The following KLF12 variants were observed in gnomAD, a reference collection of about 807,000 sequenced individuals.
KLF12 encodes the protein Krueppel-like factor 12.
KLF12 carries 9 observed loss-of-function variants against 37.8 expected under a neutral mutation model. That is an observed-to-expected ratio of 0.24 (90% CI 0.14 to 0.42). The LOEUF is 0.42. KLF12 is among the 10% of genes least tolerant of loss of function. The probability of loss-of-function intolerance (pLI) is 1.00; values close to 1 mark genes in which losing one functional copy is unlikely to be tolerated. For synonymous variants in KLF12, 208 were observed against 202.1 expected, an observed-to-expected ratio of 1.03 and a Z score of -0.25; for missense variants, 411 against 516.0, an observed-to-expected ratio of 0.80 and a Z score of 1.97.
chr13:73,859,666 C>T (rs1191291695), intron 3 of KLF12, among the ~76,000 whole-genome samples: 3 of 152,034 alleles, frequency 2.0e-5, no homozygotes, highest in African/African-American at 7.3e-5. Context: ...TATTTAGTTC[C>T]CGTTTGTTCT....
intron 7 of KLF12, among the ~76,000 whole-genome samples, chr13:73,706,337 T>A (rs895959265): frequency 7.2e-5 from 11 of 152,216 alleles, no homozygotes. Flanking sequence ...GATCAACTTA[T>A]TTTTAATTGA....
chr13:74,159,271 A>G, the KLF12 span, among the ~76,000 whole-genome samples: 12 of 152,138 alleles, frequency 7.9e-5, no homozygotes, highest in Admixed American at 6.5e-4. Context: ...AGAAATAACA[A>G]CTTCACATGA....
At chr13:73,965,538 G>A (rs1413080272) in intron 2 of KLF12, among the ~76,000 whole-genome samples, 1 of 152,134 alleles carries the variant, frequency 6.6e-6, no homozygotes, top group African/African-American at 2.4e-5. Context: ...CCAAGCCAAA[G>A]ATCTTGCGCT....
chr13:73,950,857 T>C (rs768779566), intron 2 of KLF12, among the ~76,000 whole-genome samples: 9 of 152,182 alleles, frequency 5.9e-5, no homozygotes, highest in Admixed American at 3.3e-4. Flanking sequence ...AACAAGATCC[T>C]TTCTGGGAGA....
chr13:73,696,221 A>G (rs1046190322), intron 7 of KLF12, among the ~76,000 whole-genome samples: 6 of 152,170 alleles, frequency 3.9e-5, no homozygotes, highest in African/African-American at 7.2e-5. Context: ...TTGTTCATAG[A>G]TATCTATTTT....
the KLF12 span, among the ~76,000 whole-genome samples, chr13:74,242,998 G>T: frequency 6.6e-6 from 1 of 152,168 alleles, no homozygotes; most frequent in African/African-American, 2.4e-5. Flanking sequence ...GTGCAGGATT[G>T]TTACATAGGT....
chr13:74,079,245 G>A (rs1377153286), intron 1 of KLF12, among the ~76,000 whole-genome samples: 1 of 152,128 alleles, frequency 6.6e-6, no homozygotes, highest in African/African-American at 2.4e-5. Context: ...AGAAGTTACT[G>A]TCCAATGGGT....
chr13:73,777,862 T>A (rs988375357), intron 5 of KLF12, among the ~76,000 whole-genome samples: 19 of 152,096 alleles, frequency 1.2e-4, no homozygotes, highest in African/African-American at 4.3e-4. Flanking sequence ...CTGGGCACGG[T>A]GGCTCATGCA....
intron 3 of KLF12, among the ~76,000 whole-genome samples, chr13:73,938,512 CA>C (rs1890051055): frequency 6.6e-6 from 1 of 152,170 alleles, no homozygotes; most frequent in Non-Finnish European, 1.5e-5. Flanking sequence ...TCACTTACAA[CA>C]AATAGCACAT....
intron 6 of KLF12, among the ~76,000 whole-genome samples, chr13:73,733,315 C>T (rs1877210419): frequency 6.6e-6 from 1 of 152,122 alleles, no homozygotes; most frequent in Admixed American, 6.5e-5. Context: ...CTGACCCCTC[C>T]CTTCCTTTAG....
chr13:74,095,707 G>C (rs1473408274), intron 1 of KLF12, among the ~76,000 whole-genome samples: 2 of 152,190 alleles, frequency 1.3e-5, no homozygotes, highest in Non-Finnish European at 2.9e-5. Flanking sequence ...TAACTTTTAA[G>C]AGAAATGTTT....
intron 3 of KLF12, among the ~76,000 whole-genome samples, chr13:73,865,944 G>A (rs1886153905): frequency 6.6e-6 from 1 of 152,174 alleles, no homozygotes; most frequent in Non-Finnish European, 1.5e-5. Context: ...TCAAGTGGGA[G>A]TAGTAAGATA....
intron 3 of KLF12, among the ~76,000 whole-genome samples, chr13:73,883,094 C>G (rs1307211082): frequency 6.6e-6 from 1 of 152,140 alleles, no homozygotes; most frequent in East Asian, 1.9e-4. Context: ...TAATTACTAT[C>G]ATTAAAATCA....
At chr13:73,988,135 T>C (rs1285423445) in intron 2 of KLF12, among the ~76,000 whole-genome samples, 1 of 152,198 alleles carries the variant, frequency 6.6e-6, no homozygotes, top group Non-Finnish European at 1.5e-5. Flanking sequence ...TATCACACAT[T>C]TATCTTTAAG....
intron 6 of KLF12, among the ~76,000 whole-genome samples, chr13:73,762,433 T>C (rs1198177563): frequency 1.3e-5 from 2 of 152,212 alleles, no homozygotes; most frequent in Admixed American, 6.5e-5. Flanking sequence ...ACAACAGCCA[T>C]AGGCTTTCCC....
chr13:73,785,418 T>G (rs1881278462), intron 5 of KLF12, among the ~76,000 whole-genome samples: 2 of 152,176 alleles, frequency 1.3e-5, no homozygotes. Flanking sequence ...CTCGCCCATT[T>G]TATTTTCTAA....
At chr13:74,284,755 C>A in the KLF12 span, among the ~76,000 whole-genome samples, 11 of 152,196 alleles carry the variant, frequency 7.2e-5, no homozygotes, top group African/African-American at 1.2e-4. Context: ...GGAGGACATG[C>A]GAGAGGGATT....
At chr13:74,249,336 TCACACACACACACACACA>T in the KLF12 span, among the ~76,000 whole-genome samples, 1 of 74,084 alleles carries the variant, frequency 1.3e-5, no homozygotes, top group African/African-American at 4.8e-5. Context: ...AGCAGGAGCA[TCACACACACACACACACA>T]CACACACACA....
At chr13:74,083,118 G>T (rs183439721) in intron 1 of KLF12, among the ~76,000 whole-genome samples, 75 of 152,260 alleles carry the variant, frequency 4.9e-4, no homozygotes, top group African/African-American at 7.9e-4. Flanking sequence ...CTTTAAAAGC[G>T]TGGGGCCCAC....
Sources: allele counts gnomAD v4.1 joint callset (sites outside exome capture counted in the v4.1 genomes callset), GRCh38; gene constraint gnomAD v4.1.1; transcripts MANE v1.5; gene names NCBI Gene and HGNC (gene_info 2026-07-23, HGNC 2026-07-21).